The following ZNF200 variants were observed in gnomAD, a reference collection of about 807,000 sequenced individuals.
The protein encoded by ZNF200 is zinc finger protein 200.
In ZNF200, 35 loss-of-function variants were observed where a neutral mutation model predicts 33.6. The ratio of observed to expected loss-of-function variants is 1.04; its 90% CI spans 0.80 to 1.38. The LOEUF (loss-of-function observed/expected upper bound fraction) is 1.38. Ranked by LOEUF, ZNF200 falls within the 40% of genes most tolerant of loss-of-function variation. ZNF200 has a pLI of 0.00. For synonymous variants in ZNF200, 209 were observed against 167.7 expected, an observed-to-expected ratio of 1.25 and a Z score of -1.90; for missense variants, 592 against 470.6, an observed-to-expected ratio of 1.26 and a Z score of -2.39.
intron 4 of ZNF200, among the ~76,000 whole-genome samples, chr16:3,231,610 T>C (rs1958637357): frequency 6.6e-6 from 1 of 152,218 alleles, no homozygotes; most frequent in African/African-American, 2.4e-5. Flanking sequence ...CTTGATCAGT[T>C]CATACACAGC....
intron 4 of ZNF200, among the ~76,000 whole-genome samples, chr16:3,231,265 A>T (rs1454086178): frequency 1.3e-5 from 2 of 152,126 alleles, no homozygotes; most frequent in Admixed American, 1.3e-4. Context: ...AGTGTTAATA[A>T]ATCTGATCTT....
At chr16:3,231,827 A>G (rs991649401) in intron 4 of ZNF200, among the ~76,000 whole-genome samples, 4 of 152,204 alleles carry the variant, frequency 2.6e-5, no homozygotes, top group Non-Finnish European at 5.9e-5. Context: ...GAACTTTAGC[A>G]AATTTTGTAA....
intron 4 of ZNF200, among the ~76,000 whole-genome samples, chr16:3,231,522 C>T (rs926832838): frequency 5.9e-5 from 9 of 152,142 alleles, no homozygotes; most frequent in South Asian, 2.1e-4. Context: ...GACATTTGTG[C>T]GGGCCTCTGC....
rs1958394467 is a variant in ZNF200 at position 3,223,912 on chromosome 16, T to C, written c.1168A>G (p.Lys390Glu). 6 of 1,613,246 alleles carry C rather than the reference T, an allele frequency of 3.7e-6. No individual in the cohort carries two copies. The East Asian group carries it at 1.3e-4, about 36-fold the overall frequency. The change falls in exon 5 of 5, where the codon AAG becomes GAG. Residue 390 changes from lysine (K) to glutamate (E), a missense_variant. Coordinates refer to ENST00000414144, the MANE Select transcript of ZNF200 (RefSeq NM_198088.3). ...CAGTATTACTTCTGCTTTCGGGTCT[T>C]ACAGGCTGAGTGGGTTTTCTCATGC... ...TRHEKTHSAC[K>E]TRKQK
At position 3,229,480 on chromosome 16, in the gene ZNF200, A is replaced by T. The variant is rs996933220; in HGVS notation, c.466+2941T>A. On this transcript the variant is annotated intron_variant, in intron 4 of 4. Transcript: ENST00000414144. ...AAAAATAAACCAATTTCCATAGAGA[A>T]AATTGAAATTATCAAAAAAAGACTA... 2.0e-5 allele frequency among the ~76,000 whole-genome samples: 3 copies of T among 152,158 alleles called. No individual in the cohort carries two copies. The East Asian group carries it at 5.8e-4, about 29-fold the overall frequency.
At chr16:3,226,729 C>A (rs1958483776) in intron 4 of ZNF200, 2 of 152,150 alleles carry the variant, frequency 1.3e-5, no homozygotes, top group Non-Finnish European at 2.9e-5. Flanking sequence ...CTTTGTACAT[C>A]ATTTCGAATG....
chr16:3,227,815 C>T (rs748923954), intron 4 of ZNF200: 9 of 152,282 alleles, frequency 5.9e-5, no homozygotes, highest in South Asian at 4.1e-4. Context: ...TACCAAGTCT[C>T]GGACAATTCT....
In ZNF200 at chr16:3,224,033, C is replaced by T. The variant is rs1379452235; in HGVS notation, c.1047G>A (p.Glu349=). 1 of 1,614,076 alleles carries T rather than the reference C, an allele frequency of 6.2e-7. No homozygotes were observed. The highest frequency in any genetic ancestry group is 1.3e-5 in the African/African-American group (1 of 74,926). ...PECGKTFPKN[E]EFVLHLQSHE... ...GACTCTGCAGATGAAGCACAAACTC[C>T]TCATTCTTTGGGAAGGTTTTCCCAC... Residue 349 remains glutamate (E), a synonymous_variant, in exon 5 of 5, where the codon GAG becomes GAA. Transcript: ENST00000414144.
chr16:3,228,034 C>T (rs1033434079), intron 4 of ZNF200, among the ~76,000 whole-genome samples: 1 of 117,388 alleles, frequency 8.5e-6, no homozygotes, highest in East Asian at 2.8e-4. Flanking sequence ...TAGCCAAAAA[C>T]ATAGTATTTT....
At chr16:3,227,297 A>C (rs1044690082) in intron 4 of ZNF200, 2 of 152,188 alleles carry the variant, frequency 1.3e-5, no homozygotes, top group Admixed American at 6.5e-5. Context: ...TGGGCTTTTG[A>C]GTCTTAATTA....
intron 4 of ZNF200, among the ~76,000 whole-genome samples, chr16:3,230,036 T>G (rs2238401): frequency 0.4 from 61,251 of 152,032 alleles, 12,737 homozygotes; most frequent in East Asian, 0.57. Context: ...TGATGCCACC[T>G]CAAAATAATA....
Position 3,233,245 on chromosome 16 carries a change from A to G in ZNF200, c.250+261T>C, listed in dbSNP as rs57196011. Among the ~76,000 whole-genome samples, 844 of 152,314 alleles carry G rather than the reference A, an allele frequency of 5.5e-3. 8 individuals are homozygous for G. Among genetic ancestry groups the G allele is most frequent in the African/African-American group, 0.019 (784 of 41,558 alleles). ...TAAAATTCCACATCAACCTAACTCA[A>G]TAATTCATCTGATTTATCCTTAAAA... On this transcript the variant is annotated intron_variant, in intron 2 of 4. Transcript: ENST00000414144.
intron 4 of ZNF200, among the ~76,000 whole-genome samples, chr16:3,228,573 C>T (rs1046983444): frequency 6.6e-6 from 1 of 152,110 alleles, no homozygotes; most frequent in Admixed American, 6.6e-5. Context: ...CAGCTCACTG[C>T]AACCTCTGCC....
rs369388362 is a variant in ZNF200 at position 3,223,536 on chromosome 16, G to A, written c.*356C>T. ...ATGAATCCCCATGTGGGGGGAAAACGGATATACTTTCAATAGACACAAGTC... is the reference window on the plus strand; with the variant it reads ...ATGAATCCCCATGTGGGGGGAAAACAGATATACTTTCAATAGACACAAGTC... On this transcript the variant is annotated 3_prime_UTR_variant, in exon 5 of 5. Coordinates refer to ENST00000414144, the MANE Select transcript of ZNF200 (RefSeq NM_198088.3). The A allele has an allele frequency of 1.1e-4, 21 of 183,122 alleles. No homozygotes were observed. The highest frequency in any genetic ancestry group is 9.7e-4 in the South Asian group (6 of 6,198). The allele number at this position is 183,122 out of a possible 1,614,324, so 11.3% of individuals were successfully genotyped here. A position where few individuals can be genotyped will look rare whatever the true frequency, so the allele number is the denominator to read the frequency against.
At chr16:3,228,180 G>C (rs1022560297) in intron 4 of ZNF200, among the ~76,000 whole-genome samples, 1 of 151,970 alleles carries the variant, frequency 6.6e-6, no homozygotes, top group Non-Finnish European at 1.5e-5. Context: ...GCCTTCCACT[G>C]TATCTTCTAA....
intron 4 of ZNF200, among the ~76,000 whole-genome samples, chr16:3,230,082 C>T (rs1958595356): frequency 6.6e-6 from 1 of 152,192 alleles, no homozygotes; most frequent in Admixed American, 6.5e-5. Flanking sequence ...AACAATGTGG[C>T]TGTTTAAAAG....
chr16:3,234,330 G>A (rs1958736365), intron 1 of ZNF200: 2 of 152,512 alleles, frequency 1.3e-5, no homozygotes, highest in Admixed American at 6.5e-5. Context: ...TGCCCAGGAG[G>A]TCGAGGCTGC....
intron 4 of ZNF200, 68 bp from the exon 5 acceptor site, chr16:3,224,681 A>T (rs1004174590): frequency 8.9e-5 from 134 of 1,507,806 alleles, no homozygotes; most frequent in Admixed American, 3.1e-4. Context: ...AAAACAAGTC[A>T]GGTTTCTTAT....
intron 4 of ZNF200, among the ~76,000 whole-genome samples, chr16:3,228,068 T>C (rs1434623142): frequency 6.6e-6 from 1 of 152,162 alleles, no homozygotes; most frequent in Non-Finnish European, 1.5e-5. Context: ...CGTTGAAATC[T>C]ACTCTTGTCC....
Sources: gnomAD v4.1 joint callset for allele counts (sites outside exome capture counted in the v4.1 genomes callset) on GRCh38, gnomAD v4.1.1 for gene constraint, MANE v1.5 for transcripts, NCBI Gene and HGNC (gene_info 2026-07-23, HGNC 2026-07-21) for gene names.